OTUD4: variants seen among roughly 807,000 people sequenced by gnomAD.
OTUD4 encodes OTU domain-containing protein 4.
A neutral mutation model predicts 130.4 loss-of-function variants in OTUD4; 24 were observed. That is an observed-to-expected ratio of 0.18 (90% CI 0.13 to 0.26). The LOEUF (loss-of-function observed/expected upper bound fraction) is 0.26, where lower values mean the gene tolerates loss of function less well. Ranked by LOEUF, OTUD4 falls within the 10% of genes least tolerant of loss-of-function variation. The probability of loss-of-function intolerance (pLI) is 1.00; values close to 1 mark genes in which losing one functional copy is unlikely to be tolerated. For synonymous variants in OTUD4, 420 were observed against 472.5 expected (o/e 0.89, Z 1.44); for missense variants, 1,031 against 1,329.4 (o/e 0.78, Z 3.49).
At chr4:145,178,828 G>T (rs914426573) in intron 1 of OTUD4, among the ~76,000 whole-genome samples, 3 of 152,150 alleles carry the variant, frequency 2.0e-5, no homozygotes, top group African/African-American at 7.2e-5. Context: ...TTCAAAAAAG[G>T]TGAGGGAAAA....
chr4:145,159,664 AC>A, intron 6 of OTUD4, 29 bp from the exon 7 acceptor site: 8 of 1,607,180 alleles, frequency 5.0e-6, no homozygotes, highest in Non-Finnish European at 6.8e-6. Flanking sequence ...AGATTTTCCA[AC>A]ATTAACTACA....
chr4:145,148,330 T>C (rs1157553729), intron 13 of OTUD4, among the ~76,000 whole-genome samples: 1 of 152,104 alleles, frequency 6.6e-6, no homozygotes, highest in Non-Finnish European at 1.5e-5. Context: ...TAAGACCCCG[T>C]CTTTAATTAA....
Position 145,155,393 on chromosome 4 carries a change from T to C in OTUD4, c.873+18A>G. On this transcript the variant is annotated intron_variant, in intron 10 of 20. Transcript: ENST00000447906. ...AGTTTCAAGTAAAATCTCTTCTTCT[T>C]TTACATAAGTCACTTACTTGACATT... is the stretch of plus-strand genomic sequence containing the variant. The C allele has an allele frequency of 2.5e-6, 4 of 1,597,688 alleles. No homozygotes were observed. The highest frequency in any genetic ancestry group is 1.1e-5 in the South Asian group (1 of 87,798).
chr4:145,169,744 T>G (rs1270135456), intron 3 of OTUD4, among the ~76,000 whole-genome samples: 2 of 152,180 alleles, frequency 1.3e-5, no homozygotes, highest in Non-Finnish European at 2.9e-5. Context: ...AGTACCGGGA[T>G]TACAGGCACG....
rs369614723 is a variant in OTUD4 at position 145,146,309 on chromosome 4, A to G, written c.1380T>C (p.Tyr460=). 1.9e-6 allele frequency: 3 copies of G among 1,580,814 alleles called. No homozygotes were observed. Among genetic ancestry groups the G allele is most frequent in the Non-Finnish European group, 2.6e-6 (3 of 1,164,720 alleles). ...KQAIEESRLL[Y]EIQNRDEQAF... ...CCTGTTCATCTCTGTTCTGAATCTC[A>G]TAGAGTAAACGGGATTCTTCTATAG... The change falls in exon 14 of 21, where the codon TAT becomes TAC. Residue 460 remains tyrosine (Y), a synonymous_variant. Coordinates refer to ENST00000447906, the MANE Select transcript of OTUD4 (RefSeq NM_001366057.1).
At chr4:145,150,365 TG>T (rs1213949135) in intron 13 of OTUD4, 147 bp downstream of exon 13, 1 of 514,666 alleles carries the variant, frequency 1.9e-6, no homozygotes, top group African/African-American at 1.9e-5. Flanking sequence ...GATCCTCACA[TG>T]AAGTTTTATA....
In OTUD4 at chr4:145,180,075, C is replaced by A; in HGVS notation, c.-102G>T. 1.0e-6 allele frequency: 1 copy of A among 990,214 alleles called. No homozygotes were observed. Among genetic ancestry groups the A allele is most frequent in the South Asian group, 4.7e-5 (1 of 21,426 alleles). The allele number at this position is 990,214 out of a possible 1,614,324, so 61.3% of individuals were successfully genotyped here. On this transcript the variant is annotated 5_prime_UTR_variant, in exon 1 of 21. Coordinates refer to ENST00000447906, the MANE Select transcript of OTUD4 (RefSeq NM_001366057.1). ...GGCCTGGGGCAGGCGGCGGCTCGGG[C>A]TGGGGCTCGGGCTCCGCGAGCGGCG...
chr4:145,144,222 TA>T, intron 15 of OTUD4, 88 bp downstream of exon 15: 1 of 1,419,862 alleles, frequency 7.0e-7, no homozygotes. Flanking sequence ...CTTAACAACT[TA>T]AAAAGGGTTC....
intron 3 of OTUD4, among the ~76,000 whole-genome samples, chr4:145,166,502 TA>T (rs796714710): frequency 0.016 from 2,201 of 141,822 alleles, 37 homozygotes; most frequent in African/African-American, 0.043. Context: ...TAACAGTGTT[TA>T]AAAAAAAAAA....
chr4:145,164,449 A>G (rs1751745526), intron 4 of OTUD4, among the ~76,000 whole-genome samples: 1 of 152,076 alleles, frequency 6.6e-6, no homozygotes, highest in Admixed American at 6.5e-5. Flanking sequence ...ATTAAATTTC[A>G]GATATAATTC....
chr4:145,142,389 T>C, intron 17 of OTUD4, 55 bp from the exon 18 acceptor site: 1 of 1,517,270 alleles, frequency 6.6e-7, no homozygotes, highest in Non-Finnish European at 9.1e-7. Context: ...GTCATTTTGC[T>C]TTAACACTAT....
intron 17 of OTUD4, among the ~76,000 whole-genome samples, chr4:145,142,883 A>G (rs1009784717): frequency 1.3e-5 from 2 of 152,244 alleles, no homozygotes; most frequent in Non-Finnish European, 2.9e-5. Flanking sequence ...AATGTCTGCT[A>G]GAACACAGGT....
chr4:145,139,717 T>A (rs980577581), intron 20 of OTUD4, among the ~76,000 whole-genome samples: 1 of 152,164 alleles, frequency 6.6e-6, no homozygotes. Flanking sequence ...TGCAGCTATG[T>A]CTTAAATATA....
At chr4:145,174,065 C>T (rs1336352178) in intron 2 of OTUD4, among the ~76,000 whole-genome samples, 2 of 147,738 alleles carry the variant, frequency 1.4e-5, no homozygotes, top group East Asian at 2.0e-4. Context: ...TGTGGTGCAG[C>T]GGCGCAACTC....
chr4:145,173,697 A>G (rs1752288886), intron 2 of OTUD4, among the ~76,000 whole-genome samples: 1 of 152,190 alleles, frequency 6.6e-6, no homozygotes, highest in Non-Finnish European at 1.5e-5. Context: ...ACTGGGGGAA[A>G]TAACACCCAA....
intron 7 of OTUD4, 77 bp downstream of exon 7, chr4:145,159,425 AT>A (rs35205083): frequency 0.34 from 539,539 of 1,598,694 alleles, 96,674 homozygotes; most frequent in Non-Finnish European, 0.37. Flanking sequence ...ATAGAAAGAC[AT>A]TTACTGAAAT....
intron 17 of OTUD4, among the ~76,000 whole-genome samples, chr4:145,142,613 T>C (rs1341720957): frequency 2.6e-5 from 4 of 152,242 alleles, no homozygotes; most frequent in East Asian, 3.8e-4. Context: ...CTCAAAACTC[T>C]TGGGCTCAAG....
At chr4:145,173,613 C>T (rs1752283934) in intron 2 of OTUD4, among the ~76,000 whole-genome samples, 1 of 152,108 alleles carries the variant, frequency 6.6e-6, no homozygotes, top group Non-Finnish European at 1.5e-5. Flanking sequence ...CTCTGCGTTA[C>T]CAGGTTTTTT....
chr4:145,162,636 T>C lies in OTUD4; in HGVS notation c.496+4A>G. The stretch of plus-strand genomic sequence containing the variant: ...TTCCCATATAAACACAAGGTGATAC[T>C]TACACTGACACATAGCAGAGCTTTC... On this transcript the variant is annotated splice_donor_region_variant and intron_variant, in intron 6 of 20. Transcript: ENST00000447906. 7.2e-7 allele frequency: 1 copy of C among 1,391,870 alleles called. No homozygotes were observed. The highest frequency in any genetic ancestry group is 1.0e-6 in the Non-Finnish European group (1 of 998,328). 86.2% of individuals were successfully genotyped at this position (1,391,870 alleles called of 1,614,324 possible).
Sources: gnomAD v4.1 joint callset for allele counts (sites outside exome capture counted in the v4.1 genomes callset) on GRCh38, gnomAD v4.1.1 for gene constraint, MANE v1.5 for transcripts, NCBI Gene and HGNC (gene_info 2026-07-23, HGNC 2026-07-21) for gene names.